Variants in GPC5 observed in about 807,000 individuals in gnomAD.
GPC5 encodes the protein glypican-5.
GPC5 carries 47 observed loss-of-function variants against 53.9 expected under a neutral mutation model. That is an observed-to-expected ratio of 0.87 (90% CI 0.69 to 1.11). GPC5 has a LOEUF of 1.11. Among genes scored for constraint, GPC5 ranks in the 50% most tolerant of loss-of-function variants. GPC5 has a pLI of 0.00. For missense variants in GPC5, 748 were observed against 713.1 expected (o/e 1.05, Z -0.56); for synonymous variants, 286 against 263.3 (o/e 1.09, Z -0.84).
intron 2 of GPC5, among the ~76,000 whole-genome samples, chr13:91,590,362 G>T (rs918031174): frequency 1.3e-5 from 2 of 151,686 alleles, no homozygotes; most frequent in Admixed American, 6.6e-5. Flanking sequence ...AATAACATTC[G>T]ATTTTCTTCA....
intron 2 of GPC5, among the ~76,000 whole-genome samples, chr13:91,686,009 A>G (rs2139766093): frequency 6.6e-6 from 1 of 151,982 alleles, no homozygotes; most frequent in South Asian, 2.1e-4. Context: ...ATAAAAACAT[A>G]AAGTTGTGAG....
At chr13:91,780,489 T>G (rs548888362) in intron 5 of GPC5, among the ~76,000 whole-genome samples, 1 of 152,308 alleles carries the variant, frequency 6.6e-6, no homozygotes, top group South Asian at 2.1e-4. Flanking sequence ...CTCCCTTCCT[T>G]TCTTGCTTTC....
intron 7 of GPC5, among the ~76,000 whole-genome samples, chr13:92,402,207 C>T (rs1171674007): frequency 1.3e-5 from 2 of 152,064 alleles, no homozygotes; most frequent in East Asian, 1.9e-4. Context: ...TTGTATTCTA[C>T]CTCCTTAATA....
chr13:91,584,258 G>C (rs934944938), intron 2 of GPC5, among the ~76,000 whole-genome samples: 3 of 152,090 alleles, frequency 2.0e-5, no homozygotes, highest in African/African-American at 7.2e-5. Context: ...CGAAGTTACA[G>C]TAAATAAGAT....
intron 2 of GPC5, among the ~76,000 whole-genome samples, chr13:91,525,707 C>A (rs1336432040): frequency 1.3e-5 from 2 of 152,066 alleles, no homozygotes; most frequent in African/African-American, 2.4e-5. Flanking sequence ...GTATGTGTTT[C>A]TTTTGATTTA....
At chr13:92,645,115 A>G (rs1885724646) in intron 7 of GPC5, among the ~76,000 whole-genome samples, 1 of 152,150 alleles carries the variant, frequency 6.6e-6, no homozygotes, top group Admixed American at 6.5e-5. Context: ...AAACTTTAAA[A>G]CAATCCCAGC....
intron 6 of GPC5, among the ~76,000 whole-genome samples, chr13:92,036,305 C>A (rs1311320529): frequency 6.6e-6 from 1 of 152,170 alleles, no homozygotes; most frequent in Non-Finnish European, 1.5e-5. Context: ...TGAAGCAAAG[C>A]TGGGCAAAGA....
chr13:92,344,812 C>A (rs1317470800), intron 7 of GPC5, among the ~76,000 whole-genome samples: 1 of 152,122 alleles, frequency 6.6e-6, no homozygotes, highest in African/African-American at 2.4e-5. Flanking sequence ...CATAGTCAAA[C>A]TTTTGATTAC....
intron 5 of GPC5, among the ~76,000 whole-genome samples, chr13:91,860,574 A>T (rs1174884703): frequency 2.2e-5 from 3 of 137,958 alleles, no homozygotes; most frequent in Non-Finnish European, 4.6e-5. Flanking sequence ...CATTGGCGTG[A>T]CCTTGGCTCA....
At chr13:91,463,290 G>A (rs1882047077) in intron 2 of GPC5, among the ~76,000 whole-genome samples, 1 of 152,050 alleles carries the variant, frequency 6.6e-6, no homozygotes, top group Non-Finnish European at 1.5e-5. Context: ...TTGCTTTCTG[G>A]AGCTTTGTGG....
chr13:91,873,028 G>A (rs2039164069), intron 5 of GPC5, among the ~76,000 whole-genome samples: 1 of 152,132 alleles, frequency 6.6e-6, no homozygotes, highest in South Asian at 2.1e-4. Flanking sequence ...AAAAGTGAAT[G>A]CATAGATGCA....
chr13:92,491,180 A>G (rs1879746993), intron 7 of GPC5, among the ~76,000 whole-genome samples: 1 of 152,104 alleles, frequency 6.6e-6, no homozygotes, highest in Non-Finnish European at 1.5e-5. Flanking sequence ...AAAAATTTAA[A>G]CTTGAAAATG....
chr13:92,751,469 G>C (rs1479421481), intron 7 of GPC5, among the ~76,000 whole-genome samples: 1 of 151,974 alleles, frequency 6.6e-6, no homozygotes, highest in Admixed American at 6.6e-5. Flanking sequence ...GAATTCTCCA[G>C]CTCAAAGCAG....
intron 7 of GPC5, among the ~76,000 whole-genome samples, chr13:92,475,983 G>A (rs950999505): frequency 2.6e-5 from 4 of 152,054 alleles, no homozygotes; most frequent in African/African-American, 7.2e-5. Flanking sequence ...ATAGGCATGG[G>A]CAAGGACTTC....
intron 7 of GPC5, among the ~76,000 whole-genome samples, chr13:92,209,009 A>G (rs913616066): frequency 1.3e-5 from 2 of 152,222 alleles, no homozygotes; most frequent in African/African-American, 4.8e-5. Flanking sequence ...CTAAACTAAA[A>G]TATTAGATAC....
chr13:92,512,582 A>G (rs1594263740), intron 7 of GPC5, among the ~76,000 whole-genome samples: 1 of 152,198 alleles, frequency 6.6e-6, no homozygotes, highest in Non-Finnish European at 1.5e-5. Context: ...AGTAACCCAG[A>G]TGTTGATCTG....
chr13:91,453,033 A>T (rs150909916), intron 2 of GPC5, among the ~76,000 whole-genome samples: 2 of 102,728 alleles, frequency 1.9e-5, no homozygotes, highest in African/African-American at 8.4e-5. Flanking sequence ...TTCTAAAAAA[A>T]TGTTATTGCT....
intron 7 of GPC5, among the ~76,000 whole-genome samples, chr13:92,328,726 C>G (rs2043268932): frequency 6.6e-6 from 1 of 152,128 alleles, no homozygotes; most frequent in African/African-American, 2.4e-5. Flanking sequence ...AGGCTTGTCA[C>G]TTGAAGTTCC....
At position 92,370,072 on chromosome 13, in the gene GPC5, T is replaced by G. The variant is rs143254541; in HGVS notation, c.1561+225083T>G. On this transcript the variant is annotated intron_variant, in intron 7 of 7. Coordinates refer to ENST00000377067, the MANE Select transcript of GPC5 (RefSeq NM_004466.6). ...ATCTTTCAAGTCAAGGCTGATTGGTTTCTTAGAAAATTAATTTGATTAAAA... is the reference window on the plus strand; with the variant it reads ...ATCTTTCAAGTCAAGGCTGATTGGTGTCTTAGAAAATTAATTTGATTAAAA... Among the ~76,000 whole-genome samples, 347 of 152,316 alleles carry G rather than the reference T, an allele frequency of 2.3e-3. 1 individual carries two copies. The highest frequency in any genetic ancestry group is 3.8e-3 in the Non-Finnish European group (257 of 68,028).
Sources: allele counts gnomAD v4.1 joint callset (sites outside exome capture counted in the v4.1 genomes callset), GRCh38; gene constraint gnomAD v4.1.1; transcripts MANE v1.5; gene names NCBI Gene and HGNC (gene_info 2026-07-23, HGNC 2026-07-21).